The following P4HB variants were observed in gnomAD, a reference collection of about 807,000 sequenced individuals.
The protein encoded by P4HB is prolyl 4-hydroxylase subunit beta.
Under a neutral mutation model 52.6 loss-of-function variants are expected in P4HB, and 20 were observed. The observed-to-expected ratio is 0.38, with a 90% CI of 0.27 to 0.55. The LOEUF (loss-of-function observed/expected upper bound fraction) is 0.55, where lower values mean the gene tolerates loss of function less well. P4HB is among the 20% of genes least tolerant of loss of function. The pLI, the probability that P4HB is intolerant of heterozygous loss-of-function variation, is 0.74. For synonymous variants in P4HB, 296 were observed against 277.9 expected (o/e 1.07, Z -0.65); for missense variants, 601 against 669.2 (o/e 0.90, Z 1.12).
intron 4 of P4HB, among the ~76,000 whole-genome samples, chr17:81,851,624 G>A (rs2038832081): frequency 1.3e-5 from 2 of 152,310 alleles, no homozygotes; most frequent in South Asian, 2.1e-4. Context: ...ACGCCGGGCC[G>A]CAACTGCAGG....
chr17:81,850,575 T>C (rs111590817), intron 4 of P4HB, among the ~76,000 whole-genome samples: 4,879 of 152,178 alleles, frequency 0.032, 260 homozygotes, highest in African/African-American at 0.11. Context: ...TCTCCGCCTC[T>C]TGGGTTCAAG....
At chr17:81,847,499 T>C (rs2038755937) in intron 4 of P4HB, 152 bp from the exon 5 acceptor site, 3 of 672,656 alleles carry the variant, frequency 4.5e-6, no homozygotes, top group Non-Finnish European at 8.2e-6. Context: ...GTACAGGACA[T>C]GGCTGTTCCT....
intron 4 of P4HB, among the ~76,000 whole-genome samples, chr17:81,854,785 T>A (rs1598269711): frequency 6.9e-6 from 1 of 144,824 alleles, no homozygotes; most frequent in East Asian, 2.0e-4. Flanking sequence ...GAGGGTGCAG[T>A]GAGCCGAGAT....
Position 81,846,054 on chromosome 17 carries a change from C to A in P4HB, c.1057-63G>T. 1 of 1,508,762 alleles carries A rather than the reference C, an allele frequency of 6.6e-7. No homozygotes were observed. Among genetic ancestry groups the A allele is most frequent in the South Asian group, 1.3e-5 (1 of 79,790 alleles). 93.5% of individuals were successfully genotyped at this position (1,508,762 alleles called of 1,614,324 possible). ...CCTGGGGGACCACAGAGCTCCCCAA[C>A]CCTCACCCTGCCCGGGACTGAGGTG... On this transcript the variant is annotated intron_variant, in intron 7 of 10. Transcript: ENST00000331483. This position sits in a 1 kb window ranked among gnomAD's most constrained non-coding sequence, Gnocchi z 5.7.
chr17:81,846,763 C>T lies in P4HB; in HGVS notation c.856-134G>A, dbSNP rs567466042. The T allele has an allele frequency of 6.6e-5, 79 of 1,204,466 alleles. No homozygotes were observed. The East Asian group carries it at 8.6e-4, about 13-fold the overall frequency. The allele number at this position is 1,204,466 out of a possible 1,614,324, so 74.6% of individuals were successfully genotyped here. ...TGGATTCCGGGGTTGCCCAACCAGA[C>T]CAGCAGGTGACTGGGAGCAGAGGTC... On this transcript the variant is annotated intron_variant, in intron 6 of 10. Coordinates refer to ENST00000331483, the MANE Select transcript of P4HB (RefSeq NM_000918.4). The surrounding 1 kb of genome is among the most constrained non-coding windows in gnomAD (Gnocchi z 5.7).
chr17:81,854,710 T>C (rs565086646), intron 4 of P4HB, among the ~76,000 whole-genome samples: 1 of 151,044 alleles, frequency 6.6e-6, no homozygotes, highest in East Asian at 2.0e-4. Context: ...GGCATGGTAG[T>C]GCATGCCTGT....
At position 81,846,747 on chromosome 17, in the gene P4HB, G is replaced by T; in HGVS notation, c.856-118C>A. The T allele has an allele frequency of 7.9e-7, 1 of 1,262,608 alleles. No homozygotes were observed. Among genetic ancestry groups the T allele is most frequent in the Non-Finnish European group, 1.1e-6 (1 of 892,372 alleles). 78.2% of individuals were successfully genotyped at this position (1,262,608 alleles called of 1,614,324 possible). On this transcript the variant is annotated intron_variant, in intron 6 of 10. Coordinates refer to ENST00000331483, the MANE Select transcript of P4HB (RefSeq NM_000918.4). The surrounding 1 kb of genome is among the most constrained non-coding windows in gnomAD (Gnocchi z 5.7). Reference sequence around the variant, plus strand: ...CCTTTTTCCTCCAACCTGGATTCCGGGGTTGCCCAACCAGACCAGCAGGTG... The same window carrying T: ...CCTTTTTCCTCCAACCTGGATTCCGTGGTTGCCCAACCAGACCAGCAGGTG...
chr17:81,850,298 A>G (rs2038808701), intron 4 of P4HB, among the ~76,000 whole-genome samples: 1 of 150,636 alleles, frequency 6.6e-6, no homozygotes, highest in Non-Finnish European at 1.5e-5. Context: ...ACGCCTGGCT[A>G]ATTTTGTTTT....
chr17:81,845,011 C>A, intron 10 of P4HB, 133 bp downstream of exon 10: 2 of 737,386 alleles, frequency 2.7e-6, no homozygotes, highest in Admixed American at 2.3e-5. Flanking sequence ...AGGTGTGGGG[C>A]CCCAGAGCCC....
At chr17:81,844,226 C>A in intron 10 of P4HB, 134 bp from the exon 11 acceptor site, 2 of 753,920 alleles carry the variant, frequency 2.7e-6, no homozygotes, top group Admixed American at 1.8e-5. Flanking sequence ...ACTGGAGCAG[C>A]CAACCCTGGT....
intron 2 of P4HB, among the ~76,000 whole-genome samples, chr17:81,858,484 G>A (rs1417247439): frequency 6.6e-6 from 1 of 152,102 alleles, no homozygotes; most frequent in East Asian, 1.9e-4. Flanking sequence ...AGCTGCTTTC[G>A]GGCTACCCAC....
rs138821099 is a variant in P4HB, at chr17:81,859,974, G to A, written c.145+353C>T. On this transcript the variant is annotated intron_variant, in intron 1 of 10. Coordinates refer to ENST00000331483, the MANE Select transcript of P4HB (RefSeq NM_000918.4). ...ATCGGAAGGACTGCTGTGGCAAGCT[G>A]AAGGTGGGGTGGGCAGGAGCGGGGC... 2.8e-5 allele frequency: 6 copies of A among 214,430 alleles called. No homozygotes were observed. The East Asian group carries it at 6.3e-4, about 22-fold the overall frequency. 13.3% of individuals were successfully genotyped at this position (214,430 alleles called of 1,614,324 possible). A position where few individuals can be genotyped will look rare whatever the true frequency, so the allele number is the denominator to read the frequency against.
intron 4 of P4HB, among the ~76,000 whole-genome samples, chr17:81,852,471 C>G (rs2038847122): frequency 6.6e-6 from 1 of 152,258 alleles, no homozygotes; most frequent in Non-Finnish European, 1.5e-5. Flanking sequence ...CTCATCCTCT[C>G]AGCTGCGGGG....
intron 2 of P4HB, among the ~76,000 whole-genome samples, chr17:81,857,464 C>G (rs141259190): frequency 6.6e-6 from 1 of 152,316 alleles, no homozygotes; most frequent in African/African-American, 2.4e-5. Context: ...TCTGCGTTAT[C>G]TAAATTTTCT....
At position 81,860,527 on chromosome 17, in the gene P4HB, G is replaced by T; in HGVS notation, c.-56C>A. On this transcript the variant is annotated 5_prime_UTR_variant, in exon 1 of 11. Transcript: ENST00000331483. ...TTGGCGCCGCCGGGACAGCGGGGGC[G>T]ACGAGAGCGCGCGCCGGTCCCGGCC... 8.1e-7 allele frequency: 1 copy of T among 1,229,000 alleles called. No homozygotes were observed. The highest frequency in any genetic ancestry group is 1.0e-6 in the Non-Finnish European group (1 of 984,092). The allele number at this position is 1,229,000 out of a possible 1,614,324, so 76.1% of individuals were successfully genotyped here.
Position 81,855,037 on chromosome 17 carries a change from C to G in P4HB, c.624+105G>C, listed in dbSNP as rs1271054190. 3.5e-6 allele frequency: 4 copies of G among 1,149,090 alleles called. No individual in the cohort carries two copies. Among genetic ancestry groups the G allele is most frequent in the Non-Finnish European group, 3.9e-6 (3 of 774,294 alleles). 71.2% of individuals were successfully genotyped at this position (1,149,090 alleles called of 1,614,324 possible). ...AAGCTGCAGAACATACCTATTGGGCCAAAGGTGCCAGGAGCAAGGTTCCCT... is the reference window on the plus strand; with the variant it reads ...AAGCTGCAGAACATACCTATTGGGCGAAAGGTGCCAGGAGCAAGGTTCCCT... On this transcript the variant is annotated intron_variant, in intron 4 of 10. Transcript: ENST00000331483. This position sits in a 1 kb window ranked among gnomAD's most constrained non-coding sequence, Gnocchi z 4.3.
At chr17:81,848,147 G>C (rs772347827) in intron 4 of P4HB, among the ~76,000 whole-genome samples, 2 of 152,138 alleles carry the variant, frequency 1.3e-5, no homozygotes, top group African/African-American at 2.4e-5. Context: ...TGATCTGCCC[G>C]CCTCGGCCTC....
chr17:81,849,168 G>A, intron 4 of P4HB, among the ~76,000 whole-genome samples: 1 of 151,480 alleles, frequency 6.6e-6, no homozygotes, highest in East Asian at 2.0e-4. Flanking sequence ...AGACATTGCA[G>A]TGAGATCGCA....
In P4HB at chr17:81,843,760, C is replaced by G. The variant is rs1216968683; in HGVS notation, c.*252G>C. ...CAGACTCATGTATGAAAAAGTACAT[C>G]ATGGTTTCAGGAAACAAGCCCCACC... is the stretch of plus-strand genomic sequence containing the variant. On this transcript the variant is annotated 3_prime_UTR_variant, in exon 11 of 11. Coordinates refer to ENST00000331483, the MANE Select transcript of P4HB (RefSeq NM_000918.4). 1.7e-6 allele frequency: 1 copy of G among 589,856 alleles called. No individual in the cohort carries two copies. The highest frequency in any genetic ancestry group is 1.9e-5 in the African/African-American group (1 of 53,714). The allele number at this position is 589,856 out of a possible 1,614,324, so 36.5% of individuals were successfully genotyped here. A position where few individuals can be genotyped will look rare whatever the true frequency, so the allele number is the denominator to read the frequency against.
Sources: gnomAD v4.1 joint callset for allele counts (sites outside exome capture counted in the v4.1 genomes callset) on GRCh38, gnomAD v4.1.1 for gene constraint, Gnocchi (gnomAD v3.1) non-coding constraint, MANE v1.5 for transcripts, NCBI Gene and HGNC (gene_info 2026-07-23, HGNC 2026-07-21) for gene names.